The following ANO2 variants were observed in gnomAD, a reference collection of about 807,000 sequenced individuals.
ANO2 encodes anoctamin 2.
Under a neutral mutation model 124.2 loss-of-function variants are expected in ANO2, and 101 were observed. The ratio of observed to expected loss-of-function variants is 0.81; its 90% CI spans 0.69 to 0.96. The LOEUF (loss-of-function observed/expected upper bound fraction) is 0.96, where lower values mean the gene tolerates loss of function less well. Ranked by LOEUF, ANO2 falls within the 40% of genes least tolerant of loss-of-function variation. The probability of loss-of-function intolerance (pLI) is 0.00; values close to 1 mark genes in which losing one functional copy is unlikely to be tolerated. For missense variants in ANO2, 1,293 were observed against 1,274.5 expected (o/e 1.01, Z -0.22); for synonymous variants, 486 against 482.5 (o/e 1.01, Z -0.09).
chr12:5,770,319 T>G (rs555877372), intron 10 of ANO2, among the ~76,000 whole-genome samples: 20 of 152,320 alleles, frequency 1.3e-4, no homozygotes, highest in Admixed American at 2.0e-4. Flanking sequence ...TCCAATCTCA[T>G]GAACCCACCA....
chr12:5,773,499 T>C (rs1952143478), intron 10 of ANO2, among the ~76,000 whole-genome samples: 1 of 152,188 alleles, frequency 6.6e-6, no homozygotes, highest in Admixed American at 6.5e-5. Flanking sequence ...TTATATGAGT[T>C]AATTAAGTGC....
At chr12:5,830,366 T>C in intron 6 of ANO2, 69 bp downstream of exon 6, 1 of 1,501,398 alleles carries the variant, frequency 6.7e-7, no homozygotes, top group Non-Finnish European at 9.1e-7. Context: ...GGTAAGAGAA[T>C]GCCCTGCCAA....
chr12:5,801,701 A>C (rs1224169971), intron 9 of ANO2, among the ~76,000 whole-genome samples: 1 of 152,152 alleles, frequency 6.6e-6, no homozygotes, highest in African/African-American at 2.4e-5. Context: ...ATTTACCACC[A>C]CTCGCAATGG....
At chr12:5,897,803 T>C (rs573363068) in intron 3 of ANO2, among the ~76,000 whole-genome samples, 1 of 151,594 alleles carries the variant, frequency 6.6e-6, no homozygotes, top group South Asian at 2.1e-4. Flanking sequence ...CAAATAAATG[T>C]TATGGAAGAT....
At chr12:5,774,036 A>C (rs1279660048) in intron 10 of ANO2, among the ~76,000 whole-genome samples, 1 of 152,244 alleles carries the variant, frequency 6.6e-6, no homozygotes, top group African/African-American at 2.4e-5. Context: ...ACATCCTTCC[A>C]AACTGAAAAG....
At chr12:5,813,831 A>C (rs1041842805) in intron 7 of ANO2, among the ~76,000 whole-genome samples, 1 of 152,196 alleles carries the variant, frequency 6.6e-6, no homozygotes, top group African/African-American at 2.4e-5. Context: ...GGGAAATGTT[A>C]GAGTCAGAAA....
At chr12:5,723,148 G>A (rs1201441011) in intron 14 of ANO2, among the ~76,000 whole-genome samples, 2 of 152,074 alleles carry the variant, frequency 1.3e-5, no homozygotes, top group African/African-American at 2.4e-5. Context: ...GCAATTCTCC[G>A]GAGGTGGTAG....
At chr12:5,888,617 T>C (rs1250480764) in intron 3 of ANO2, among the ~76,000 whole-genome samples, 2 of 151,908 alleles carry the variant, frequency 1.3e-5, no homozygotes, top group Non-Finnish European at 2.9e-5. Flanking sequence ...AGACACAGAG[T>C]GTGGACACAA....
chr12:5,571,553 A>G (rs764571691), intron 23 of ANO2, among the ~76,000 whole-genome samples: 1 of 152,202 alleles, frequency 6.6e-6, no homozygotes, highest in Non-Finnish European at 1.5e-5. Flanking sequence ...CAAGTTCCCA[A>G]CGCTATTTGC....
At chr12:5,936,654 C>A (rs1942665087) in intron 1 of ANO2, among the ~76,000 whole-genome samples, 2 of 152,180 alleles carry the variant, frequency 1.3e-5, no homozygotes, top group Non-Finnish European at 2.9e-5. Flanking sequence ...TTAGAGTGAG[C>A]AAACTGAGAC....
At chr12:5,731,443 A>G (rs1397064028) in intron 14 of ANO2, among the ~76,000 whole-genome samples, 1 of 152,234 alleles carries the variant, frequency 6.6e-6, no homozygotes, top group Non-Finnish European at 1.5e-5. Flanking sequence ...TTGCATGTTA[A>G]CATGAATGGT....
chr12:5,661,220 G>T (rs906624666), intron 14 of ANO2, among the ~76,000 whole-genome samples: 1 of 152,140 alleles, frequency 6.6e-6, no homozygotes, highest in Non-Finnish European at 1.5e-5. Flanking sequence ...GTCCCTTTGG[G>T]TCACATAGAA....
chr12:5,773,489 TTA>T (rs1952143151), intron 10 of ANO2, among the ~76,000 whole-genome samples: 2 of 152,204 alleles, frequency 1.3e-5, no homozygotes, highest in South Asian at 4.2e-4. Flanking sequence ...ATCAGAAGAT[TTA>T]TATGAGTTAA....
intron 15 of ANO2, among the ~76,000 whole-genome samples, chr12:5,640,343 T>C (rs1946275279): frequency 6.6e-6 from 1 of 152,304 alleles, no homozygotes; most frequent in African/African-American, 2.4e-5. Context: ...AGTTACTTCC[T>C]TCTAAGCACC....
At chr12:5,619,949 C>T in intron 16 of ANO2, among the ~76,000 whole-genome samples, 1 of 152,222 alleles carries the variant, frequency 6.6e-6, no homozygotes, top group East Asian at 1.9e-4. Context: ...AAAGTATGGA[C>T]ACTGTTTCTG....
At chr12:5,733,006 C>A in intron 13 of ANO2, 2 of 1,058,988 alleles carry the variant, frequency 1.9e-6, no homozygotes, top group Non-Finnish European at 2.9e-6. Context: ...ATCCCACCAA[C>A]TATCGTCAGA....
intron 10 of ANO2, among the ~76,000 whole-genome samples, chr12:5,798,516 C>T (rs1466686850): frequency 6.6e-6 from 1 of 152,144 alleles, no homozygotes; most frequent in Admixed American, 6.5e-5. Context: ...CCCAGGGCAA[C>T]CAGCCAGGAA....
chr12:5,730,217 AAATGGGTGAATTTTAGTG>A (rs1328478301), intron 14 of ANO2, among the ~76,000 whole-genome samples: 10 of 148,498 alleles, frequency 6.7e-5, no homozygotes, highest in South Asian at 2.1e-4. Flanking sequence ...TGTGCACTTT[AAATGGGTGAATTTTAGTG>A]TATAAAATTA....
At position 5,799,512 on chromosome 12, in the gene ANO2, G is replaced by A. The variant is rs1952974805; in HGVS notation, c.1050C>T (p.Leu350=). The change falls in exon 10 of 25, where the codon CTC becomes CTT. Residue 350 remains leucine (L), a synonymous_variant. Coordinates refer to ENST00000682330, the MANE Select transcript of ANO2 (RefSeq NM_001364791.2). ...AGTTCCCTACCACCTCTTACCTGAT[G>A]AGGTCAATAGGTTGGAACTTATAGA... ...GVFYKFQPID[L]IRKYFGEKIG... is the part of the protein sequence containing the mutation. 1 of 1,613,664 alleles carries A rather than the reference G, an allele frequency of 6.2e-7. No individual in the cohort carries two copies. Among genetic ancestry groups the A allele is most frequent in the African/African-American group, 1.3e-5 (1 of 75,054 alleles).
Sources: allele counts gnomAD v4.1 joint callset (sites outside exome capture counted in the v4.1 genomes callset), GRCh38; gene constraint gnomAD v4.1.1; transcripts MANE v1.5; gene names NCBI Gene and HGNC (gene_info 2026-07-23, HGNC 2026-07-21).